The following MAN1A1 variants were observed in gnomAD, a reference collection of about 807,000 sequenced individuals.
The protein encoded by MAN1A1 is mannosidase alpha class 1A member 1, also known as mannosyl-oligosaccharide 1,2-alpha-mannosidase IA.
In MAN1A1, 29 loss-of-function variants were observed where a neutral mutation model predicts 70.8. The ratio of observed to expected loss-of-function variants is 0.41; its 90% CI spans 0.31 to 0.56. The LOEUF (loss-of-function observed/expected upper bound fraction) is 0.56, where lower values mean the gene tolerates loss of function less well. MAN1A1 is among the 20% of genes least tolerant of loss of function. MAN1A1 has a pLI of 0.29. For synonymous variants in MAN1A1, 349 were observed against 330.1 expected (o/e 1.06, Z -0.62); for missense variants, 747 against 841.3 (o/e 0.89, Z 1.39).
At chr6:119,324,904 G>A (rs1046720223) in intron 2 of MAN1A1, among the ~76,000 whole-genome samples, 3 of 152,074 alleles carry the variant, frequency 2.0e-5, no homozygotes, top group Non-Finnish European at 4.4e-5. Context: ...ATTTTTGGAC[G>A]CAGAGTGGTG....
chr6:119,290,865 C>G (rs1776519850), intron 4 of MAN1A1, 102 bp from the exon 5 acceptor site: 3 of 733,634 alleles, frequency 4.1e-6, no homozygotes, highest in East Asian at 2.7e-5. Context: ...AAATCTTATG[C>G]TTGCCCAGAG....
intron 6 of MAN1A1, among the ~76,000 whole-genome samples, chr6:119,241,964 GTGTGTGTGTATA>G (rs1158642382): frequency 8.4e-6 from 1 of 118,484 alleles, no homozygotes; most frequent in Admixed American, 8.0e-5. Context: ...GTGTGTGTGT[GTGTGTGTGTATA>G]TGTGTGTGTA....
At chr6:119,324,880 G>C (rs1322073082) in intron 2 of MAN1A1, among the ~76,000 whole-genome samples, 2 of 152,096 alleles carry the variant, frequency 1.3e-5, no homozygotes, top group African/African-American at 4.8e-5. Flanking sequence ...GGGTTGGGGA[G>C]GGCAGCCTTG....
intron 2 of MAN1A1, among the ~76,000 whole-genome samples, chr6:119,329,661 G>T (rs1409108257): frequency 6.6e-6 from 1 of 152,128 alleles, no homozygotes; most frequent in African/African-American, 2.4e-5. Context: ...GCCAGCTGCC[G>T]GCTCCAACTG....
intron 8 of MAN1A1, among the ~76,000 whole-genome samples, chr6:119,194,838 TC>T (rs1312925977): frequency 5.9e-5 from 4 of 68,242 alleles, no homozygotes; most frequent in South Asian, 6.7e-4. Flanking sequence ...TCATTTTTTT[TC>T]TTTTTTTTTT....
chr6:119,248,705 T>C (rs1431606997), intron 5 of MAN1A1, among the ~76,000 whole-genome samples: 1 of 152,182 alleles, frequency 6.6e-6, no homozygotes, highest in Non-Finnish European at 1.5e-5. Context: ...GTGATTTCAA[T>C]GTGCAAGCCA....
intron 2 of MAN1A1, among the ~76,000 whole-genome samples, chr6:119,342,113 T>G (rs752032206): frequency 1.3e-5 from 2 of 152,232 alleles, no homozygotes; most frequent in Non-Finnish European, 2.9e-5. Context: ...AAGATGTATA[T>G]GCAGTAAGTA....
At position 119,187,302 on chromosome 6, in the gene MAN1A1, A is replaced by T. The variant is rs562305431; in HGVS notation, c.1719+1103T>A. On this transcript the variant is annotated intron_variant, in intron 11 of 12. Transcript: ENST00000368468. ...AAAATATTCAATTCATTTGCTGGCC[A>T]ATTGAAGACCAAAACAATTCCCTAT... Among the ~76,000 whole-genome samples, 5 of 152,314 alleles carry T rather than the reference A, an allele frequency of 3.3e-5. No individual in the cohort carries two copies. The East Asian group carries it at 9.6e-4, about 29-fold the overall frequency.
intron 5 of MAN1A1, among the ~76,000 whole-genome samples, chr6:119,275,099 A>G (rs1028175633): frequency 4.0e-5 from 6 of 151,788 alleles, no homozygotes; most frequent in Non-Finnish European, 7.4e-5. Flanking sequence ...CATGGGCTAG[A>G]AGGTTGCTGC....
intron 11 of MAN1A1, among the ~76,000 whole-genome samples, chr6:119,185,181 C>T (rs906526458): frequency 2.0e-5 from 3 of 152,124 alleles, no homozygotes; most frequent in African/African-American, 7.2e-5. Flanking sequence ...AGCCACCACG[C>T]CTGGCTTTCA....
chr6:119,283,105 C>A (rs929905564), intron 5 of MAN1A1, among the ~76,000 whole-genome samples: 1 of 152,136 alleles, frequency 6.6e-6, no homozygotes, highest in East Asian at 1.9e-4. Context: ...TGATGTTTTG[C>A]TAGCTGGGGT....
intron 9 of MAN1A1, among the ~76,000 whole-genome samples, chr6:119,191,336 A>G (rs1215614061): frequency 6.6e-6 from 1 of 152,208 alleles, no homozygotes; most frequent in Non-Finnish European, 1.5e-5. Flanking sequence ...TGAATTAGAG[A>G]AACATTATTA....
intron 11 of MAN1A1, among the ~76,000 whole-genome samples, 164 bp from the exon 12 acceptor site, chr6:119,180,591 C>A (rs1409277166): frequency 6.6e-6 from 1 of 151,848 alleles, no homozygotes; most frequent in Non-Finnish European, 1.5e-5. Flanking sequence ...TGGGTCACTG[C>A]AGCTTCTACC....
intron 2 of MAN1A1, among the ~76,000 whole-genome samples, chr6:119,329,242 C>T (rs1271902212): frequency 6.6e-6 from 1 of 152,174 alleles, no homozygotes; most frequent in Non-Finnish European, 1.5e-5. Flanking sequence ...AGTGTTTAAA[C>T]TTATTGGCTA....
intron 7 of MAN1A1, among the ~76,000 whole-genome samples, chr6:119,202,958 G>A (rs1035736655): frequency 4.6e-5 from 7 of 151,006 alleles, no homozygotes; most frequent in Non-Finnish European, 1.0e-4. Context: ...AATGGGATTA[G>A]TGCCCTCATG....
chr6:119,315,518 G>T (rs375483572), intron 2 of MAN1A1, among the ~76,000 whole-genome samples: 3 of 152,112 alleles, frequency 2.0e-5, no homozygotes, highest in African/African-American at 4.8e-5. Flanking sequence ...GCATTTAATG[G>T]TTCTCTTTTT....
chr6:119,234,317 A>C (rs1187354716), intron 6 of MAN1A1, among the ~76,000 whole-genome samples: 1 of 152,228 alleles, frequency 6.6e-6, no homozygotes. Context: ...CCTTATTTTA[A>C]AATCTTCCAG....
intron 5 of MAN1A1, among the ~76,000 whole-genome samples, chr6:119,275,867 G>C (rs897077981): frequency 3.3e-5 from 5 of 152,238 alleles, no homozygotes; most frequent in Non-Finnish European, 7.3e-5. Context: ...ACACGGTCAT[G>C]TGCTTTGCTA....
At chr6:119,281,639 T>C (rs1475723627) in intron 5 of MAN1A1, among the ~76,000 whole-genome samples, 1 of 152,224 alleles carries the variant, frequency 6.6e-6, no homozygotes, top group Non-Finnish European at 1.5e-5. Context: ...CTTAATCCAC[T>C]GAGATTTCAG....
Sources: gnomAD v4.1 joint callset for allele counts (sites outside exome capture counted in the v4.1 genomes callset) on GRCh38, gnomAD v4.1.1 for gene constraint, MANE v1.5 for transcripts, NCBI Gene and HGNC (gene_info 2026-07-23, HGNC 2026-07-21) for gene names.